The following ASZ1 variants were observed in gnomAD, a reference collection of about 807,000 sequenced individuals.
The protein encoded by ASZ1 is ankyrin repeat, SAM and basic leucine zipper domain containing 1.
ASZ1 carries 67 observed loss-of-function variants against 61.8 expected under a neutral mutation model. The observed-to-expected ratio is 1.08, with a 90% CI of 0.89 to 1.33. The LOEUF is 1.33. ASZ1 is among the 40% of genes most tolerant of loss of function. ASZ1 has a pLI of 0.00. For missense variants in ASZ1, 577 were observed against 554.5 expected (o/e 1.04, Z -0.41); for synonymous variants, 193 against 192.7 (o/e 1.00, Z -0.01).
intron 4 of ASZ1, among the ~76,000 whole-genome samples, chr7:117,408,187 TGTCTTG>T (rs1796827612): frequency 6.6e-6 from 1 of 152,164 alleles, no homozygotes; most frequent in African/African-American, 2.4e-5. Context: ...CCTTTAATCA[TGTCTTG>T]GTCTTTCTGC....
rs964053295 is a variant in ASZ1 at position 117,378,725 on chromosome 7, T to C, written c.1055+1213A>G. Among the ~76,000 whole-genome samples the C allele has an allele frequency of 3.9e-5, 6 of 152,036 alleles. No homozygotes were observed. The South Asian group carries it at 6.2e-4, about 16-fold the overall frequency. ...GTATTTTCTAACAGAATCTTGTAGATGAATGTTCATGGCAGTTTTATTTGG... is the reference window on the plus strand; with the variant it reads ...GTATTTTCTAACAGAATCTTGTAGACGAATGTTCATGGCAGTTTTATTTGG... On this transcript the variant is annotated intron_variant, in intron 10 of 12. Coordinates refer to ENST00000284629, the MANE Select transcript of ASZ1 (RefSeq NM_130768.3).
chr7:117,366,201 T>C (rs1055553335), intron 12 of ASZ1, among the ~76,000 whole-genome samples: 3 of 152,042 alleles, frequency 2.0e-5, no homozygotes, highest in African/African-American at 7.2e-5. Flanking sequence ...AAGGCGGAGG[T>C]TGCAGTGAGC....
chr7:117,395,190 C>G (rs1465239548), intron 4 of ASZ1, among the ~76,000 whole-genome samples: 3 of 152,108 alleles, frequency 2.0e-5, no homozygotes, highest in African/African-American at 7.2e-5. Flanking sequence ...GCGAGCGACT[C>G]TTTTTCCATT....
In ASZ1 at chr7:117,426,904, T is replaced by G. The variant is rs762102771; in HGVS notation, c.137A>C (p.Lys46Thr). The G allele has an allele frequency of 1.2e-6, 2 of 1,612,906 alleles. No homozygotes were observed. Among genetic ancestry groups the G allele is most frequent in the Admixed American group, 1.7e-5 (1 of 59,804 alleles). Residue 46 changes from lysine (K) to threonine (T), a missense_variant, in exon 2 of 13, where the codon AAG (lysine) becomes ACG (threonine). By Grantham distance (78) the Lys-to-Thr change is moderately conservative (BLOSUM62 -1). Coordinates refer to ENST00000284629, the MANE Select transcript of ASZ1 (RefSeq NM_130768.3). ...CATTGCTTTCTTAAATTTTTCTTTCTTTTCTTCAATGGGTAATAGCCTTTT... is the reference window on the plus strand; with the variant it reads ...CATTGCTTTCTTAAATTTTTCTTTCGTTTCTTCAATGGGTAATAGCCTTTT... ...KLKRLLPIEE[K>T]KEKFKKAMTI... is the part of the protein sequence containing the mutation.
At chr7:117,406,684 C>T (rs747675994) in intron 4 of ASZ1, among the ~76,000 whole-genome samples, 11 of 151,338 alleles carry the variant, frequency 7.3e-5, no homozygotes, top group Non-Finnish European at 1.0e-4. Flanking sequence ...ACCCGGGAGG[C>T]GGAGGTTGTG....
intron 7 of ASZ1, 92 bp from the exon 8 acceptor site, chr7:117,382,236 T>C (rs558683755): frequency 2.5e-6 from 2 of 798,840 alleles, no homozygotes; most frequent in Admixed American, 2.2e-5. Flanking sequence ...ATATGAATAA[T>C]AATGAATTCA....
chr7:117,381,189 G>T, intron 8 of ASZ1, 122 bp from the exon 9 acceptor site: 1 of 755,674 alleles, frequency 1.3e-6, no homozygotes, highest in Non-Finnish European at 2.2e-6. Flanking sequence ...TTTCTAGAGG[G>T]GACAGGATAT....
chr7:117,382,159 A>G lies in ASZ1; in HGVS notation c.813-15T>C. 1 of 1,477,670 alleles carries G rather than the reference A, an allele frequency of 6.8e-7. No homozygotes were observed. Among genetic ancestry groups the G allele is most frequent in the Non-Finnish European group, 9.4e-7 (1 of 1,060,068 alleles). The allele number at this position is 1,477,670 out of a possible 1,614,324, so 91.5% of individuals were successfully genotyped here. On this transcript the variant is annotated splice_polypyrimidine_tract_variant and intron_variant, in intron 7 of 12. Transcript: ENST00000284629. ...CTGTATATGAACTGTATACATTTAT[A>G]GCAATGTCAATTTCAGAACAGATTA...
intron 4 of ASZ1, among the ~76,000 whole-genome samples, chr7:117,411,562 C>G (rs150303943): frequency 6.6e-6 from 1 of 151,746 alleles, no homozygotes; most frequent in South Asian, 2.1e-4. Context: ...TTTTGGAGGA[C>G]AGTTTGGATA....
chr7:117,416,034 T>C (rs1482796811), intron 4 of ASZ1, among the ~76,000 whole-genome samples: 1 of 151,982 alleles, frequency 6.6e-6, no homozygotes, highest in Non-Finnish European at 1.5e-5. Context: ...CTACTAAAAA[T>C]ACCAAAATTA....
Position 117,366,310 on chromosome 7 carries a change from T to A in ASZ1, c.1275+1042A>T, listed in dbSNP as rs900269748. Reference sequence around the variant, plus strand: ...CCTTTTGATTTAACACATTAATAGCTAGAATGACAATTTATTAATACTTGG... The same window carrying A: ...CCTTTTGATTTAACACATTAATAGCAAGAATGACAATTTATTAATACTTGG... On this transcript the variant is annotated intron_variant, in intron 12 of 12. Transcript: ENST00000284629. Among the ~76,000 whole-genome samples the A allele has an allele frequency of 5.3e-4, 80 of 152,088 alleles. 4 individuals are homozygous for A.
At position 117,425,262 on chromosome 7, in the gene ASZ1, T is replaced by TC. The variant is rs1344426882; in HGVS notation, c.205+1573_205+1574insG. Among the ~76,000 whole-genome samples the TC allele has an allele frequency of 3.9e-5, 5 of 129,858 alleles. No homozygotes were observed. The East Asian group carries it at 8.9e-4, about 23-fold the overall frequency. 85.2% of individuals were successfully genotyped at this position (129,858 alleles called of 152,430 possible). ...TTGTTATTCCTTTGAGTAATTTCTT[T>TC]TTTTTTTTTTTTTTTTTTTTTGAGA... On this transcript the variant is annotated intron_variant, in intron 2 of 12. Transcript: ENST00000284629.
intron 11 of ASZ1, chr7:117,367,984 T>C: frequency 1.6e-6 from 1 of 607,736 alleles, no homozygotes; most frequent in South Asian, 7.3e-5. Flanking sequence ...TGGGCTCAAG[T>C]GATCCTCCTG....
intron 4 of ASZ1, among the ~76,000 whole-genome samples, chr7:117,417,116 TTA>T (rs1455109685): frequency 6.6e-6 from 1 of 152,148 alleles, no homozygotes; most frequent in Non-Finnish European, 1.5e-5. Context: ...AATCTCAAGC[TTA>T]GAGGCTGATT....
chr7:117,369,541 A>T (rs1796010159), intron 10 of ASZ1, among the ~76,000 whole-genome samples: 1 of 152,180 alleles, frequency 6.6e-6, no homozygotes. Context: ...TTAGGCAACT[A>T]ACAGAGAAAT....
intron 4 of ASZ1, among the ~76,000 whole-genome samples, chr7:117,387,320 C>G (rs1796379308): frequency 6.9e-6 from 1 of 145,072 alleles, no homozygotes; most frequent in African/African-American, 2.8e-5. Context: ...ACAACAACAA[C>G]AACAACAACA....
intron 10 of ASZ1, among the ~76,000 whole-genome samples, chr7:117,376,490 A>T (rs1425095369): frequency 6.6e-6 from 1 of 152,150 alleles, no homozygotes; most frequent in Non-Finnish European, 1.5e-5. Context: ...GACAAAATAC[A>T]AAAAGGAAAC....
At position 117,424,043 on chromosome 7, in the gene ASZ1, T is replaced by C. The variant is rs184330874; in HGVS notation, c.206-1684A>G. ...GTATATTTATAGAGCTCAAAAACAT[T>C]CAAAATAATACTATATTGTTTAGGG... On this transcript the variant is annotated intron_variant, in intron 2 of 12. Coordinates refer to ENST00000284629, the MANE Select transcript of ASZ1 (RefSeq NM_130768.3). 1.6e-3 allele frequency among the ~76,000 whole-genome samples: 246 copies of C among 152,124 alleles called. 1 individual carries two copies. Among genetic ancestry groups the C allele is most frequent in the Non-Finnish European group, 2.8e-3 (190 of 67,978 alleles).
chr7:117,380,170 A>T, intron 9 of ASZ1, 123 bp from the exon 10 acceptor site: 3 of 628,370 alleles, frequency 4.8e-6, no homozygotes, highest in Non-Finnish European at 8.3e-6. Flanking sequence ...ATATTGGAAA[A>T]ATAACACACT....
Sources: allele counts gnomAD v4.1 joint callset (sites outside exome capture counted in the v4.1 genomes callset), GRCh38; gene constraint gnomAD v4.1.1; transcripts MANE v1.5; gene names NCBI Gene and HGNC (gene_info 2026-07-23, HGNC 2026-07-21).